Variants in EXD1 observed in about 807,000 individuals in gnomAD.
EXD1 encodes exonuclease 3'-5' domain containing 1.
Under a neutral mutation model 49.1 loss-of-function variants are expected in EXD1, and 63 were observed. The observed-to-expected ratio is 1.28, with a 90% CI of 1.05 to 1.58. The LOEUF is 1.58. Ranked by LOEUF, EXD1 falls within the 40% of genes most tolerant of loss-of-function variation. EXD1 has a pLI of 0.00. For synonymous variants in EXD1, 234 were observed against 239.2 expected (o/e 0.98, Z 0.20); for missense variants, 748 against 666.0 (o/e 1.12, Z -1.36).
chr15:41,216,682 T>G lies in EXD1; in HGVS notation c.374A>C (p.Lys125Thr). ...CCTATATTCACCTGATGGGCTGTAC[T>G]TGAGGTCATTCAGCAGAGAGGTAGC... ...APATSLLNDL[K>T]YSPSEEEEVT... The change falls in exon 5 of 12, where the codon AAG (lysine) becomes ACG (threonine). Residue 125 changes from lysine (K) to threonine (T), a missense_variant. By Grantham distance (78) the Lys-to-Thr change is moderately conservative (BLOSUM62 -1). Coordinates refer to ENST00000458580, the MANE Select transcript of EXD1 (RefSeq NM_001286441.2). 3.7e-6 allele frequency: 6 copies of G among 1,612,932 alleles called. No individual in the cohort carries two copies. Among genetic ancestry groups the G allele is most frequent in the Non-Finnish European group, 5.1e-6 (6 of 1,179,914 alleles).
chr15:41,210,593 A>C (rs1674234154), intron 6 of EXD1, among the ~76,000 whole-genome samples: 1 of 151,980 alleles, frequency 6.6e-6, no homozygotes, highest in African/African-American at 2.4e-5. Context: ...AGGAGGCTAA[A>C]GTGGGAGGAT....
chr15:41,223,726 G>A (rs1410561650), intron 2 of EXD1, among the ~76,000 whole-genome samples: 2 of 149,384 alleles, frequency 1.3e-5, no homozygotes, highest in East Asian at 2.1e-4. Flanking sequence ...TCAGCCGGGC[G>A]TGGTGGCGGG....
chr15:41,224,880 TTG>T (rs2047137633), intron 2 of EXD1, among the ~76,000 whole-genome samples: 1 of 152,076 alleles, frequency 6.6e-6, no homozygotes, highest in East Asian at 1.9e-4. Context: ...GGAGGATCAC[TTG>T]ACCCTGGGAA....
Position 41,200,712 on chromosome 15 carries a change from T to C in EXD1, c.535-4675A>G, listed in dbSNP as rs149871205. Reference sequence around the variant, plus strand: ...GCACCTGAAGTTGAGGGCAGTCTTGTGGGACTGAGCCCTCAATCTGTGGGG... The same window carrying C: ...GCACCTGAAGTTGAGGGCAGTCTTGCGGGACTGAGCCCTCAATCTGTGGGG... On this transcript the variant is annotated intron_variant, in intron 7 of 11. Transcript: ENST00000458580. Among the ~76,000 whole-genome samples the C allele has an allele frequency of 1.7e-3, 253 of 152,206 alleles. 3 individuals carry two copies. Among genetic ancestry groups the C allele is most frequent in the Middle Eastern group, 0.01 (3 of 294 alleles).
chr15:41,209,022 G>A (rs768389784), intron 7 of EXD1, among the ~76,000 whole-genome samples: 8 of 151,878 alleles, frequency 5.3e-5, no homozygotes, highest in Non-Finnish European at 8.8e-5. Flanking sequence ...TAAGGAGACA[G>A]AAGCTCTCTC....
intron 2 of EXD1, among the ~76,000 whole-genome samples, chr15:41,224,587 A>C (rs2047134296): frequency 6.6e-6 from 1 of 152,030 alleles, no homozygotes; most frequent in Non-Finnish European, 1.5e-5. Context: ...TTCCCCCATA[A>C]AAAAAAGAAA....
chr15:41,198,097 A>G (rs951169753), intron 7 of EXD1, among the ~76,000 whole-genome samples: 1 of 152,192 alleles, frequency 6.6e-6, no homozygotes, highest in African/African-American at 2.4e-5. Flanking sequence ...TGAACTAAAT[A>G]TTTGGTCTTC....
chr15:41,198,266 T>G (rs752285378), intron 7 of EXD1, among the ~76,000 whole-genome samples: 1 of 152,000 alleles, frequency 6.6e-6, no homozygotes, highest in African/African-American at 2.4e-5. Context: ...GACAAACCCA[T>G]GATTAGAGGG....
intron 2 of EXD1, among the ~76,000 whole-genome samples, chr15:41,221,493 C>T (rs1386176171): frequency 2.0e-5 from 3 of 151,330 alleles, no homozygotes; most frequent in Admixed American, 6.6e-5. Context: ...AGGCTGGTCT[C>T]GAACTCCTGG....
intron 2 of EXD1, among the ~76,000 whole-genome samples, chr15:41,224,781 C>T (rs977307670): frequency 1.3e-5 from 2 of 151,654 alleles, no homozygotes; most frequent in African/African-American, 4.9e-5. Flanking sequence ...ACAGGGAGAC[C>T]CCATTTCTAC....
chr15:41,194,960 T>C (rs1160874132), intron 9 of EXD1, among the ~76,000 whole-genome samples: 2 of 152,202 alleles, frequency 1.3e-5, no homozygotes, highest in Admixed American at 6.5e-5. Flanking sequence ...GGCCAACTTA[T>C]TAGTTCAGTT....
chr15:41,195,871 GA>G lies in EXD1; in HGVS notation c.640-17del. 1 of 1,612,502 alleles carries G rather than the reference GA, an allele frequency of 6.2e-7. No individual in the cohort carries two copies. Among genetic ancestry groups the G allele is most frequent in the Non-Finnish European group, 8.5e-7 (1 of 1,179,528 alleles). ...CATGGATAACCTAAGGAATCAGAAG[GA>G]AACAGTCATTAGAACCTGGCTGCTA... On this transcript the variant is annotated splice_polypyrimidine_tract_variant and intron_variant, in intron 8 of 11. Transcript: ENST00000458580.
At position 41,195,816 on chromosome 15, in the gene EXD1, G is replaced by C. The variant is rs755078875; in HGVS notation, c.679C>G (p.His227Asp). 2 of 1,613,520 alleles carry C rather than the reference G, an allele frequency of 1.2e-6. No homozygotes were observed. The highest frequency in any genetic ancestry group is 2.7e-5 in the African/African-American group (2 of 74,892). The change falls in exon 9 of 12, where the codon CAT becomes GAT. Residue 227 changes from histidine to aspartate, a missense_variant. Transcript: ENST00000458580. Reference sequence around the variant, plus strand: ...TTATTCAGCAAAATTCCATACTGATGAGAGAGGCAATCAGAAAGCCAACGA... The same window carrying C: ...TTATTCAGCAAAATTCCATACTGATCAGAGAGGCAATCAGAAAGCCAACGA... Reference protein sequence around the residue: ...DCRWLSDCLSHQYGILLNNVF... With the variant: ...DCRWLSDCLSDQYGILLNNVF...
intron 11 of EXD1, among the ~76,000 whole-genome samples, chr15:41,187,870 C>G (rs1481163820): frequency 1.3e-5 from 2 of 151,822 alleles, no homozygotes; most frequent in East Asian, 3.9e-4. Context: ...ACAAAATTAG[C>G]CAGGCGGGGT....
In EXD1 at chr15:41,196,276, G is replaced by A. The variant is rs549046540; in HGVS notation, c.535-239C>T. Among the ~76,000 whole-genome samples the A allele has an allele frequency of 2.7e-5, 4 of 149,862 alleles. No homozygotes were observed. In the South Asian group the frequency reaches 8.4e-4, roughly 32 times the overall value. On this transcript the variant is annotated intron_variant, in intron 7 of 11. Coordinates refer to ENST00000458580, the MANE Select transcript of EXD1 (RefSeq NM_001286441.2). ...ATTCTCCTGCCTCGGCCTCCTGATA[G>A]CTGTGATTACAGGCATGCGGCACCA... is the stretch of plus-strand genomic sequence containing the variant.
chr15:41,222,079 G>C (rs1009177426), intron 2 of EXD1, among the ~76,000 whole-genome samples: 1 of 151,644 alleles, frequency 6.6e-6, no homozygotes, highest in Non-Finnish European at 1.5e-5. Flanking sequence ...CAGACTGGGC[G>C]ACAGAGTGAG....
chr15:41,218,252 A>AG (rs2047031555), intron 3 of EXD1, among the ~76,000 whole-genome samples: 2 of 152,096 alleles, frequency 1.3e-5, no homozygotes, highest in Admixed American at 6.6e-5. Context: ...TGGGAGGGTG[A>AG]GGGGGGTGAA....
intron 7 of EXD1, among the ~76,000 whole-genome samples, chr15:41,207,556 T>TA (rs1019220179): frequency 2.6e-5 from 4 of 151,400 alleles, no homozygotes; most frequent in East Asian, 1.9e-4. Flanking sequence ...AAAAAAATAA[T>TA]AAAAAAAATA....
chr15:41,224,885 C>T (rs1566996251), intron 2 of EXD1, among the ~76,000 whole-genome samples: 1 of 152,002 alleles, frequency 6.6e-6, no homozygotes. Context: ...ATCACTTGAC[C>T]CTGGGAAGTT....
Sources: gnomAD v4.1 joint callset for allele counts (sites outside exome capture counted in the v4.1 genomes callset) on GRCh38, gnomAD v4.1.1 for gene constraint, MANE v1.5 for transcripts, NCBI Gene and HGNC (gene_info 2026-07-23, HGNC 2026-07-21) for gene names.